The following HSD17B12 variants were observed in gnomAD, a reference collection of about 807,000 sequenced individuals.
HSD17B12 encodes very-long-chain 3-oxoacyl-CoA reductase.
HSD17B12 carries 32 observed loss-of-function variants against 39.3 expected under a neutral mutation model. The observed-to-expected ratio is 0.81, with a 90% CI of 0.61 to 1.09. The LOEUF is 1.09. HSD17B12 is among the 50% of genes least tolerant of loss of function. HSD17B12 has a pLI of 0.00. For synonymous variants in HSD17B12, 150 were observed against 146.7 expected (o/e 1.02, Z -0.16); for missense variants, 342 against 382.9 (o/e 0.89, Z 0.89).
At chr11:43,580,324 G>C in the HSD17B12 span, among the ~76,000 whole-genome samples, 1 of 147,046 alleles carries the variant, frequency 6.8e-6, no homozygotes, top group African/African-American at 2.5e-5. Context: ...AGTCAATGAC[G>C]GGTTCGCCCC....
chr11:43,822,798 G>T (rs551957944), intron 6 of HSD17B12, among the ~76,000 whole-genome samples: 14 of 152,126 alleles, frequency 9.2e-5, no homozygotes, highest in Non-Finnish European at 1.9e-4. Flanking sequence ...ACATACGTGT[G>T]CATGTGTCTT....
intron 1 of HSD17B12, among the ~76,000 whole-genome samples, chr11:43,682,022 G>C (rs538774130): frequency 6.6e-6 from 1 of 152,188 alleles, no homozygotes; most frequent in African/African-American, 2.4e-5. Context: ...TTTTGGGGTG[G>C]TTAGGCATTG....
chr11:43,634,042 C>T, the HSD17B12 span, among the ~76,000 whole-genome samples: 1 of 128,064 alleles, frequency 7.8e-6, no homozygotes, highest in Non-Finnish European at 1.6e-5. Context: ...CCATTGCACT[C>T]CAGCCTGGGC....
chr11:43,571,589 T>C, the HSD17B12 span, among the ~76,000 whole-genome samples: 1 of 152,230 alleles, frequency 6.6e-6, no homozygotes, highest in Admixed American at 6.5e-5. Flanking sequence ...CATTTGAGTT[T>C]GCCCATCGAT....
Position 43,680,755 on chromosome 11 carries a change from G to A in HSD17B12, c.-73G>A, listed in dbSNP as rs925614732. The A allele has an allele frequency of 5.8e-6, 8 of 1,384,008 alleles. No individual in the cohort carries two copies. The highest frequency in any genetic ancestry group is 1.8e-4 in the Middle Eastern group (1 of 5,436). The allele number at this position is 1,384,008 out of a possible 1,614,324, so 85.7% of individuals were successfully genotyped here. ...CTATTAGTGTCATCCTCACCGTCAC[G>A]GCCGGCGCCTCCTCCTGGATTCATT... On this transcript the variant is annotated 5_prime_UTR_variant, in exon 1 of 11. Coordinates refer to ENST00000278353, the MANE Select transcript of HSD17B12 (RefSeq NM_016142.3).
Position 43,769,452 on chromosome 11 carries a change from G to A in HSD17B12, c.283+15331G>A, listed in dbSNP as rs141071043. ...GCAATTATGAGGACACTGAGACCTG[G>A]CAACGTCACCCAGTGCACAGTAAAG... is the stretch of plus-strand genomic sequence containing the variant. On this transcript the variant is annotated intron_variant, in intron 3 of 10. Coordinates refer to ENST00000278353, the MANE Select transcript of HSD17B12 (RefSeq NM_016142.3). Among the ~76,000 whole-genome samples, 252 of 152,268 alleles carry A rather than the reference G, an allele frequency of 1.7e-3. 1 individual carries two copies. The highest frequency in any genetic ancestry group is 5.8e-3 in the African/African-American group (239 of 41,552).
intron 3 of HSD17B12, among the ~76,000 whole-genome samples, chr11:43,793,058 C>T (rs556119713): frequency 6.6e-6 from 1 of 152,274 alleles, no homozygotes; most frequent in South Asian, 2.1e-4. Context: ...ACAAATAATG[C>T]TCCCTGTTTA....
rs1011198388 is a variant in HSD17B12 at position 43,842,368 on chromosome 11, G to A, written c.684+2304G>A. On this transcript the variant is annotated intron_variant, in intron 9 of 10. Transcript: ENST00000278353. ...ATCTTCCAGGATCATCTAAGAGCCT[G>A]CTTCCTCTAAACCCCGACCTGAGCT... 7.2e-5 allele frequency among the ~76,000 whole-genome samples: 11 copies of A among 152,276 alleles called. No homozygotes were observed. In the East Asian group the frequency reaches 1.4e-3, roughly 19 times the overall value.
At chr11:43,663,758 C>T in the HSD17B12 span, among the ~76,000 whole-genome samples, 18 of 152,322 alleles carry the variant, frequency 1.2e-4, no homozygotes, top group South Asian at 1.7e-3. Flanking sequence ...AGCATGTTTA[C>T]GTACAGGGTG....
intron 1 of HSD17B12, among the ~76,000 whole-genome samples, chr11:43,713,830 G>A (rs1169023563): frequency 2.0e-5 from 3 of 152,198 alleles, no homozygotes; most frequent in African/African-American, 7.2e-5. Context: ...TAACTGGTAT[G>A]AGATGGTATC....
intron 7 of HSD17B12, among the ~76,000 whole-genome samples, chr11:43,836,045 T>A (rs1951367775): frequency 6.6e-6 from 1 of 152,222 alleles, no homozygotes; most frequent in Non-Finnish European, 1.5e-5. Flanking sequence ...ATGTTAAATT[T>A]TACCTTTTAC....
chr11:43,635,404 A>G, the HSD17B12 span, among the ~76,000 whole-genome samples: 1 of 152,206 alleles, frequency 6.6e-6, no homozygotes, highest in Non-Finnish European at 1.5e-5. Flanking sequence ...CCGTGCAATA[A>G]TACCACTTAT....
chr11:43,572,671 A>G, the HSD17B12 span, among the ~76,000 whole-genome samples: 2 of 152,212 alleles, frequency 1.3e-5, no homozygotes, highest in African/African-American at 4.8e-5. Flanking sequence ...GGTAGGTACC[A>G]TTATCATAAT....
chr11:43,839,906 A>T, intron 8 of HSD17B12, 93 bp from the exon 9 acceptor site: 1 of 1,002,910 alleles, frequency 1.0e-6, no homozygotes, highest in Non-Finnish European at 1.6e-6. Flanking sequence ...TTATAGCATT[A>T]AATGATTAGT....
chr11:43,780,884 A>G (rs1950758529), intron 3 of HSD17B12, among the ~76,000 whole-genome samples: 1 of 152,130 alleles, frequency 6.6e-6, no homozygotes, highest in Admixed American at 6.6e-5. Flanking sequence ...TTTGTTTTAC[A>G]TACTTTATTT....
At chr11:43,756,771 C>T (rs550111443) in intron 3 of HSD17B12, among the ~76,000 whole-genome samples, 1 of 152,294 alleles carries the variant, frequency 6.6e-6, no homozygotes, top group African/African-American at 2.4e-5. Flanking sequence ...AAAGATTGCT[C>T]AGTGACTCAG....
intron 9 of HSD17B12, among the ~76,000 whole-genome samples, chr11:43,843,503 A>G (rs1951446185): frequency 6.6e-6 from 1 of 152,182 alleles, no homozygotes; most frequent in Admixed American, 6.5e-5. Flanking sequence ...GAACTCCACA[A>G]GGCCATCTCC....
At chr11:43,753,962 G>T (rs1174441802) in intron 2 of HSD17B12, 84 bp from the exon 3 acceptor site, 1 of 792,384 alleles carries the variant, frequency 1.3e-6, no homozygotes, top group Non-Finnish European at 2.1e-6. Context: ...ATCTGGACAG[G>T]TTTTCTTAAA....
chr11:43,683,233 A>G (rs1209341682), intron 1 of HSD17B12, among the ~76,000 whole-genome samples: 1 of 151,918 alleles, frequency 6.6e-6, no homozygotes, highest in African/African-American at 2.4e-5. Flanking sequence ...ATTTGTGTTG[A>G]AAAGATTTGG....
Sources: gnomAD v4.1 joint callset for allele counts (sites outside exome capture counted in the v4.1 genomes callset) on GRCh38, gnomAD v4.1.1 for gene constraint, MANE v1.5 for transcripts, NCBI Gene and HGNC (gene_info 2026-07-23, HGNC 2026-07-21) for gene names.